The following ATF6 variants were observed in gnomAD, a reference collection of about 807,000 sequenced individuals.
ATF6 encodes activating transcription factor 6.
Under a neutral mutation model 83.6 loss-of-function variants are expected in ATF6, and 53 were observed. That is an observed-to-expected ratio of 0.63 (90% CI 0.51 to 0.80). The LOEUF (loss-of-function observed/expected upper bound fraction) is 0.80. ATF6 is among the 30% of genes least tolerant of loss of function. ATF6 has a pLI of 0.00. For synonymous variants in ATF6, 288 were observed against 285.8 expected, an observed-to-expected ratio of 1.01 and a Z score of -0.08; for missense variants, 744 against 797.9, an observed-to-expected ratio of 0.93 and a Z score of 0.81.
chr1:161,830,213 A>ACTCCC (rs1686018359), intron 9 of ATF6, among the ~76,000 whole-genome samples: 1 of 152,252 alleles, frequency 6.6e-6, no homozygotes, highest in African/African-American at 2.4e-5. Flanking sequence ...TTCAAAGAGA[A>ACTCCC]TAAAATACTT....
At chr1:161,951,751 T>C (rs1277731014) in intron 15 of ATF6, among the ~76,000 whole-genome samples, 1 of 152,208 alleles carries the variant, frequency 6.6e-6, no homozygotes, top group Non-Finnish European at 1.5e-5. Context: ...GTATTTTAAA[T>C]GTAATTTCTG....
At chr1:161,845,818 A>G (rs1344048839) in intron 9 of ATF6, among the ~76,000 whole-genome samples, 1 of 150,702 alleles carries the variant, frequency 6.6e-6, no homozygotes, top group Non-Finnish European at 1.5e-5. Context: ...GTATTTGCTT[A>G]TATGTATATA....
chr1:161,854,871 G>GA (rs78296683), intron 12 of ATF6, among the ~76,000 whole-genome samples: 175 of 137,866 alleles, frequency 1.3e-3, no homozygotes, highest in South Asian at 2.1e-3. Flanking sequence ...GTCTAAAAAA[G>GA]AAAAAAAAAA....
Position 161,889,819 on chromosome 1 carries a change from A to T in ATF6, c.1720-22477A>T, listed in dbSNP as rs899569240. Among the ~76,000 whole-genome samples, 5 of 152,260 alleles carry T rather than the reference A, an allele frequency of 3.3e-5. No individual in the cohort carries two copies. The South Asian group carries it at 6.2e-4, about 19-fold the overall frequency. On this transcript the variant is annotated intron_variant, in intron 14 of 15. Transcript: ENST00000367942. ...AAATATTTCAGGGGAAGGAAAATGAATATAAATAAGTAGAATGAAATTTTA... is the reference window on the plus strand; with the variant it reads ...AAATATTTCAGGGGAAGGAAAATGATTATAAATAAGTAGAATGAAATTTTA...
At chr1:161,897,572 G>A (rs971046310) in intron 14 of ATF6, among the ~76,000 whole-genome samples, 15 of 152,314 alleles carry the variant, frequency 9.8e-5, no homozygotes, top group South Asian at 6.2e-4. Context: ...GGGGAAAGAA[G>A]AGCTGTAGTT....
chr1:161,834,683 A>C (rs1259095555), intron 9 of ATF6, among the ~76,000 whole-genome samples: 1 of 151,566 alleles, frequency 6.6e-6, no homozygotes, highest in African/African-American at 2.4e-5. Flanking sequence ...CTAAATGACG[A>C]GTTAATGGGT....
At chr1:161,879,662 A>G (rs1340100862) in intron 14 of ATF6, among the ~76,000 whole-genome samples, 1 of 152,120 alleles carries the variant, frequency 6.6e-6, no homozygotes, top group Non-Finnish European at 1.5e-5. Context: ...GCTGCTGGGG[A>G]TGAAAATATT....
intron 14 of ATF6, among the ~76,000 whole-genome samples, chr1:161,900,382 A>G (rs1439895730): frequency 6.6e-6 from 1 of 152,186 alleles, no homozygotes; most frequent in Non-Finnish European, 1.5e-5. Context: ...AACAGATGGC[A>G]TGAAAAATAA....
intron 15 of ATF6, among the ~76,000 whole-genome samples, chr1:161,956,408 G>A (rs552014963): frequency 5.3e-4 from 80 of 152,310 alleles, no homozygotes; most frequent in Non-Finnish European, 1.1e-3. Flanking sequence ...GTCACGTGTT[G>A]TAAATGAAAT....
At chr1:161,888,171 C>T (rs562656245) in intron 14 of ATF6, among the ~76,000 whole-genome samples, 30 of 152,162 alleles carry the variant, frequency 2.0e-4, no homozygotes, top group African/African-American at 5.8e-4. Context: ...CATCAGACAA[C>T]GAAAGAAAAT....
At chr1:161,816,199 GGAGAGTT>G (rs1557975809) in intron 7 of ATF6, among the ~76,000 whole-genome samples, 1 of 152,212 alleles carries the variant, frequency 6.6e-6, no homozygotes. Context: ...ATGCCTGGTG[GGAGAGTT>G]GTCTGGAGGC....
chr1:161,810,084 A>G (rs768132146), intron 7 of ATF6, among the ~76,000 whole-genome samples: 2 of 152,238 alleles, frequency 1.3e-5, no homozygotes, highest in Non-Finnish European at 2.9e-5. Context: ...AGTCAGTCAC[A>G]GGGCTTAATG....
At chr1:161,872,642 G>A (rs985458949) in intron 14 of ATF6, among the ~76,000 whole-genome samples, 7 of 151,598 alleles carry the variant, frequency 4.6e-5, no homozygotes, top group Non-Finnish European at 8.9e-5. Context: ...GCTGTCAGTG[G>A]TATCAGATGT....
intron 14 of ATF6, among the ~76,000 whole-genome samples, chr1:161,899,341 C>T (rs1687737482): frequency 1.3e-5 from 2 of 152,204 alleles, no homozygotes; most frequent in Non-Finnish European, 2.9e-5. Context: ...TTGAAATCAA[C>T]TGTGTCACCC....
intron 14 of ATF6, among the ~76,000 whole-genome samples, chr1:161,898,956 C>G (rs1687730478): frequency 6.6e-6 from 1 of 151,988 alleles, no homozygotes; most frequent in African/African-American, 2.4e-5. Flanking sequence ...TGGTAAAATT[C>G]TAAAGTATTC....
intron 9 of ATF6, among the ~76,000 whole-genome samples, chr1:161,833,345 C>T (rs897772438): frequency 5.3e-5 from 8 of 152,036 alleles, no homozygotes; most frequent in East Asian, 3.9e-4. Context: ...AAAATCAGAG[C>T]GCCTCTCCTC....
At chr1:161,875,882 T>C (rs1687207404) in intron 14 of ATF6, among the ~76,000 whole-genome samples, 1 of 151,890 alleles carries the variant, frequency 6.6e-6, no homozygotes, top group African/African-American at 2.4e-5. Context: ...GGGTCAAGAT[T>C]TCATAAAATT....
chr1:161,820,003 C>T (rs191166502), intron 8 of ATF6, among the ~76,000 whole-genome samples, 185 bp downstream of exon 8: 3 of 152,286 alleles, frequency 2.0e-5, no homozygotes, highest in East Asian at 3.9e-4. Flanking sequence ...TTGAATTGTA[C>T]TCCCCAATCT....
At chr1:161,855,771 A>G (rs1221717087) in intron 12 of ATF6, among the ~76,000 whole-genome samples, 2 of 152,216 alleles carry the variant, frequency 1.3e-5, no homozygotes, top group Non-Finnish European at 2.9e-5. Context: ...GTAACAGTTA[A>G]TTACAGGGGC....
Sources: allele counts gnomAD v4.1 joint callset (sites outside exome capture counted in the v4.1 genomes callset), GRCh38; gene constraint gnomAD v4.1.1; transcripts MANE v1.5; gene names NCBI Gene and HGNC (gene_info 2026-07-23, HGNC 2026-07-21).